The following PRRC2C variants were observed in gnomAD, a reference collection of about 807,000 sequenced individuals.
PRRC2C encodes proline rich coiled-coil 2C.
PRRC2C carries 72 observed loss-of-function variants against 317.2 expected under a neutral mutation model. That is an observed-to-expected ratio of 0.23 (90% CI 0.19 to 0.28). The LOEUF is 0.28. Among genes scored for constraint, PRRC2C ranks in the 10% least tolerant of loss-of-function variants. The pLI is 1.00. For missense variants in PRRC2C, 3,074 were observed against 3,459.7 expected (o/e 0.89, Z 2.80); for synonymous variants, 1,296 against 1,205.9 (o/e 1.07, Z -1.55).
At chr1:171,571,103 TA>T (rs967107655) in intron 23 of PRRC2C, among the ~76,000 whole-genome samples, 2 of 152,196 alleles carry the variant, frequency 1.3e-5, no homozygotes, top group African/African-American at 4.8e-5. Context: ...ACTTAACGTA[TA>T]AAAAGGCAGA....
At chr1:171,529,591 C>A (rs528068762) in intron 11 of PRRC2C, among the ~76,000 whole-genome samples, 22 of 152,344 alleles carry the variant, frequency 1.4e-4, no homozygotes, top group African/African-American at 5.3e-4. Flanking sequence ...TGACTACTTG[C>A]TACCACCTTT....
rs1673750665 is a variant in PRRC2C at position 171,522,474 on chromosome 1, A to G, written c.833+215A>G. On this transcript the variant is annotated intron_variant, in intron 7 of 34. Coordinates refer to ENST00000647382, the MANE Select transcript of PRRC2C (RefSeq NM_001387844.1). ...TTAAATTAATTTACATAGGATTTTG[A>G]AAACTGAAAACCAGGCCGGGGACGG... The G allele has an allele frequency of 1.0e-5, 3 of 296,064 alleles. No homozygotes were observed. In the East Asian group the frequency reaches 1.8e-4, roughly 18 times the overall value. The allele number at this position is 296,064 out of a possible 1,614,324, so 18.3% of individuals were successfully genotyped here.
chr1:171,487,609 G>T lies in PRRC2C; in HGVS notation c.-58+1874G>T, dbSNP rs960254063. The stretch of plus-strand genomic sequence containing the variant: ...TCGTAGATATAATTTTTAAATTTAG[G>T]CGTCTGATCTATATTATTGGTAGAA... On this transcript the variant is annotated intron_variant, in intron 1 of 34. Transcript: ENST00000647382. Among the ~76,000 whole-genome samples the T allele has an allele frequency of 2.0e-5, 3 of 151,992 alleles. No homozygotes were observed. In the East Asian group the frequency reaches 5.8e-4, roughly 29 times the overall value.
intron 28 of PRRC2C, among the ~76,000 whole-genome samples, chr1:171,582,692 T>C (rs1648916085): frequency 6.6e-6 from 1 of 152,044 alleles, no homozygotes; most frequent in Non-Finnish European, 1.5e-5. Context: ...AATAAAAATA[T>C]AGCATACAAG....
chr1:171,509,143 C>A (rs139654580), intron 1 of PRRC2C, among the ~76,000 whole-genome samples: 13 of 152,318 alleles, frequency 8.5e-5, no homozygotes, highest in South Asian at 8.3e-4. Context: ...CCTCAGCCCC[C>A]CAAAGTGCTG....
At position 171,592,132 on chromosome 1, in the gene PRRC2C, T is replaced by A; in HGVS notation, c.*285T>A. The A allele has an allele frequency of 3.4e-6, 1 of 291,034 alleles. No individual in the cohort carries two copies. Among genetic ancestry groups the A allele is most frequent in the Non-Finnish European group, 6.3e-6 (1 of 157,876 alleles). 18.0% of individuals were successfully genotyped at this position (291,034 alleles called of 1,614,324 possible). A position where few individuals can be genotyped will look rare whatever the true frequency, so the allele number is the denominator to read the frequency against. The stretch of plus-strand genomic sequence containing the variant: ...AAATGTATGCACCCATTTTTTTGAG[T>A]GCATATAATTTAGACCTAAAAATCC... On this transcript the variant is annotated 3_prime_UTR_variant, in exon 35 of 35. Transcript: ENST00000647382.
intron 1 of PRRC2C, chr1:171,510,146 C>T (rs6693496): frequency 0.02 from 2,974 of 152,202 alleles, 75 homozygotes; most frequent in East Asian, 0.13. Context: ...CCATCGTGCC[C>T]GGCCAGAAAC....
chr1:171,568,339 TGTAA>T lies in PRRC2C; in HGVS notation c.6651+5_6651+8del, dbSNP rs760209944. On this transcript the variant is annotated splice_donor_variant and splice_donor_region_variant and intron_variant, in intron 23 of 34. Coordinates refer to ENST00000647382, the MANE Select transcript of PRRC2C (RefSeq NM_001387844.1). LOFTEE classifies it high-confidence loss of function. Reference sequence around the variant, plus strand: ...AGATGGAGGATACTTTGGTTAATAATGTAAGTAATCAGTTTGAGATGTGGCAAGT... The same window carrying T: ...AGATGGAGGATACTTTGGTTAATAATGTAATCAGTTTGAGATGTGGCAAGT... 5.6e-6 allele frequency: 9 copies of T among 1,596,102 alleles called. No individual in the cohort carries two copies. The highest frequency in any genetic ancestry group is 7.7e-6 in the Non-Finnish European group (9 of 1,169,878).
intron 1 of PRRC2C, among the ~76,000 whole-genome samples, chr1:171,494,691 C>A (rs1041858975): frequency 6.6e-6 from 1 of 151,982 alleles, no homozygotes; most frequent in Admixed American, 6.6e-5. Context: ...TACAAATTTC[C>A]GTATTTAGCA....
intron 2 of PRRC2C, chr1:171,512,566 T>G (rs1282475081): frequency 7.4e-6 from 2 of 270,588 alleles, no homozygotes; most frequent in Non-Finnish European, 1.4e-5. Flanking sequence ...GTTTCGTGTG[T>G]GGGGGTGTGT....
chr1:171,553,114 T>G (rs939722177), intron 18 of PRRC2C, among the ~76,000 whole-genome samples: 2 of 152,230 alleles, frequency 1.3e-5, no homozygotes, highest in African/African-American at 4.8e-5. Context: ...GTTGGTAGGC[T>G]GTTAATTATT....
At chr1:171,587,811 C>A (rs1650394182) in intron 32 of PRRC2C, 60 bp downstream of exon 32, 3 of 1,117,050 alleles carry the variant, frequency 2.7e-6, no homozygotes, top group Non-Finnish European at 4.0e-6. Context: ...TTGTTAAATA[C>A]TTATCAGTCC....
At chr1:171,503,448 CG>C (rs993233412) in intron 1 of PRRC2C, among the ~76,000 whole-genome samples, 2 of 151,496 alleles carry the variant, frequency 1.3e-5, no homozygotes, top group Non-Finnish European at 2.9e-5. Flanking sequence ...CACTTGAACC[CG>C]GGAGGCGGAG....
chr1:171,498,563 T>C (rs1668532764), intron 1 of PRRC2C, among the ~76,000 whole-genome samples: 1 of 152,216 alleles, frequency 6.6e-6, no homozygotes, highest in Non-Finnish European at 1.5e-5. Context: ...CCATTTTCTT[T>C]CACTGTCTGG....
chr1:171,589,450 C>T lies in PRRC2C; in HGVS notation c.8281C>T (p.Pro2761Ser), dbSNP rs1650864452. 1 of 1,289,768 alleles carries T rather than the reference C, an allele frequency of 7.8e-7. No individual in the cohort carries two copies. The highest frequency in any genetic ancestry group is 1.0e-6 in the Non-Finnish European group (1 of 988,850). 79.9% of individuals were successfully genotyped at this position (1,289,768 alleles called of 1,614,324 possible). A position where few individuals can be genotyped will look rare whatever the true frequency, so the allele number is the denominator to read the frequency against. ...CTTCCCAGCGCCTGTTCAGAGGCCACCAATGGCACTGGCCAGTCAGATGCC... is the reference window on the plus strand; with the variant it reads ...CTTCCCAGCGCCTGTTCAGAGGCCATCAATGGCACTGGCCAGTCAGATGCC... ...NTFPAPVQRP[P>S]MALASQMPPP... The change falls in exon 34 of 35, where the codon CCA becomes TCA. Residue 2761 changes from proline (P) to serine (S), a missense_variant. By Grantham distance (74) the Pro-to-Ser change is moderately conservative. Around this residue, in one of 11 missense-constraint regions of PRRC2C, gnomAD observed 490 missense variants for 663.1 expected, o/e 0.74. Transcript: ENST00000647382.
Position 171,579,456 on chromosome 1 carries a change from G to T in PRRC2C, c.7262G>T (p.Gly2421Val). The T allele has an allele frequency of 6.2e-7, 1 of 1,613,388 alleles. No individual in the cohort carries two copies. Among genetic ancestry groups the T allele is most frequent in the South Asian group, 1.1e-5 (1 of 91,074 alleles). ...SLAQQQGFQPGLSQPTSVQQI... is the reference protein window; with the variant it reads ...SLAQQQGFQPVLSQPTSVQQI... Reference sequence around the variant, plus strand: ...GCTCAACAACAGGGTTTCCAACCAGGTCTCTCTCAGGTAATATCAAAGACT... The same window carrying T: ...GCTCAACAACAGGGTTTCCAACCAGTTCTCTCTCAGGTAATATCAAAGACT... Residue 2421 changes from glycine (G) to valine (V), a missense_variant, in exon 27 of 35, where the codon GGT (glycine) becomes GTT (valine). Physicochemically the swap from Gly to Val is moderately radical, Grantham distance 109. This residue lies in a region of PRRC2C where 490 missense variants were observed against 663.1 expected (regional missense o/e 0.74). Transcript: ENST00000647382.
chr1:171,531,761 T>C (rs1442681366), intron 11 of PRRC2C, among the ~76,000 whole-genome samples: 2 of 152,238 alleles, frequency 1.3e-5, no homozygotes, highest in Non-Finnish European at 2.9e-5. Flanking sequence ...TAGATACGCT[T>C]TTCTGGATCT....
intron 18 of PRRC2C, among the ~76,000 whole-genome samples, chr1:171,556,393 C>T (rs1297996436): frequency 6.6e-6 from 1 of 152,204 alleles, no homozygotes; most frequent in Non-Finnish European, 1.5e-5. Flanking sequence ...TGAGGCAATG[C>T]CCTGCCCTGC....
Position 171,591,571 on chromosome 1 carries a change from T to G in PRRC2C, c.8437-16T>G. 1 of 1,606,796 alleles carries G rather than the reference T, an allele frequency of 6.2e-7. No individual in the cohort carries two copies. Among genetic ancestry groups the G allele is most frequent in the African/African-American group, 1.3e-5 (1 of 74,762 alleles). ...AATGCTGCAGTATTTTCAGTTGTTC[T>G]TTCTCATTTTTTAAGGCAAAGCAGA... On this transcript the variant is annotated splice_polypyrimidine_tract_variant and intron_variant, in intron 34 of 34. Transcript: ENST00000647382.
Sources: allele counts gnomAD v4.1 joint callset (sites outside exome capture counted in the v4.1 genomes callset), GRCh38; gene constraint gnomAD v4.1.1; regional missense constraint gnomAD v4.1.1; transcripts MANE v1.5; gene names NCBI Gene and HGNC (gene_info 2026-07-23, HGNC 2026-07-21).